ZFAND1: variants seen among roughly 807,000 people sequenced by gnomAD.
ZFAND1 encodes AN1-type zinc finger protein 1.
A neutral mutation model predicts 38.5 loss-of-function variants in ZFAND1; 40 were observed. That is an observed-to-expected ratio of 1.04 (90% confidence interval 0.81 to 1.35). The LOEUF is 1.35. Among genes scored for constraint, ZFAND1 ranks in the 40% most tolerant of loss-of-function variants. The pLI is 0.00. For missense variants in ZFAND1, 346 were observed against 316.3 expected, an observed-to-expected ratio of 1.09 and a Z score of -0.71; for synonymous variants, 117 against 103.6, an observed-to-expected ratio of 1.13 and a Z score of -0.78.
chr8:81,703,464 C>A (rs1158969970), intron 6 of ZFAND1, among the ~76,000 whole-genome samples: 1 of 152,232 alleles, frequency 6.6e-6, no homozygotes, highest in Admixed American at 6.5e-5. Context: ...GCTCTTGTTG[C>A]CAACGCTAGA....
intron 3 of ZFAND1, among the ~76,000 whole-genome samples, chr8:81,716,920 C>T (rs1808333010): frequency 6.6e-6 from 1 of 152,114 alleles, no homozygotes; most frequent in African/African-American, 2.4e-5. Context: ...GCACTCCAGC[C>T]TGGGCAACAA....
Position 81,717,178 on chromosome 8 carries a change from T to C in ZFAND1, c.138+71A>G, listed in dbSNP as rs531717858. 49 of 1,352,104 alleles carry C rather than the reference T, an allele frequency of 3.6e-5. No individual in the cohort carries two copies. In the African/African-American group the frequency reaches 7.2e-4, roughly 20 times the overall value. The allele number at this position is 1,352,104 out of a possible 1,614,324, so 83.8% of individuals were successfully genotyped here. On this transcript the variant is annotated intron_variant, in intron 3 of 7. Coordinates refer to ENST00000220669, the MANE Select transcript of ZFAND1 (RefSeq NM_024699.3). Reference sequence around the variant, plus strand: ...ATCTGTGATACTGACTGCCTTTAAATCTAATCAAATTCTGAATGAAAGTAC... The same window carrying C: ...ATCTGTGATACTGACTGCCTTTAAACCTAATCAAATTCTGAATGAAAGTAC...
chr8:81,710,754 G>A lies in ZFAND1; in HGVS notation c.480+3164C>T, dbSNP rs1482885537. 3.9e-5 allele frequency among the ~76,000 whole-genome samples: 6 copies of A among 152,138 alleles called. No homozygotes were observed. In the South Asian group the frequency reaches 1.0e-3, roughly 26 times the overall value. On this transcript the variant is annotated intron_variant, in intron 6 of 7. Coordinates refer to ENST00000220669, the MANE Select transcript of ZFAND1 (RefSeq NM_024699.3). ...ATTATAATTCAAAATAGGGTTAAAG[G>A]CAAAATTCATAAAGAACATATAACA... is the stretch of plus-strand genomic sequence containing the variant.
At chr8:81,721,303 G>T, upstream of ZFAND1, 1 of 1,546,878 alleles carries the variant, frequency 6.5e-7, no homozygotes. Flanking sequence ...CGTAAGGGGC[G>T]GGGCAAAGCC....
chr8:81,709,243 A>G (rs138268002), intron 6 of ZFAND1, among the ~76,000 whole-genome samples: 2 of 152,314 alleles, frequency 1.3e-5, no homozygotes, highest in Non-Finnish European at 2.9e-5. Flanking sequence ...GGCATTAATG[A>G]GAGAAGGATA....
chr8:81,710,504 G>A (rs1046248742), intron 6 of ZFAND1, among the ~76,000 whole-genome samples: 2 of 151,880 alleles, frequency 1.3e-5, no homozygotes, highest in African/African-American at 4.8e-5. Context: ...ATACATGATG[G>A]AAGAAATATG....
In ZFAND1 at chr8:81,721,176, G is replaced by T; in HGVS notation, c.55+51C>A. 1.9e-6 allele frequency: 3 copies of T among 1,541,996 alleles called. No individual in the cohort carries two copies. In the African/African-American group the frequency reaches 4.1e-5, roughly 21 times the overall value. On this transcript the variant is annotated intron_variant, in intron 1 of 7. Transcript: ENST00000220669. ...CGCCACCATCCGCGGAGCCAAAGCG[G>T]AGCCCTGGTCTCCCGCGGCCGGGGA...
chr8:81,717,041 A>G (rs1208337930), intron 3 of ZFAND1, among the ~76,000 whole-genome samples: 1 of 152,206 alleles, frequency 6.6e-6, no homozygotes, highest in East Asian at 1.9e-4. Flanking sequence ...AAAAATTATG[A>G]GGATAAAAAT....
In ZFAND1 at chr8:81,701,461, A is replaced by T. The variant is rs536092213; in HGVS notation, c.*1234T>A. On this transcript the variant is annotated 3_prime_UTR_variant, in exon 8 of 8. Transcript: ENST00000220669. ...TTTTATATGCCCTGGGAAACAAAAA[A>T]AAATTTGTCTGGCTCAATATACTCC... The T allele has an allele frequency of 3.3e-5, 5 of 152,250 alleles. No individual in the cohort carries two copies. Among genetic ancestry groups the T allele is most frequent in the Admixed American group, 2.6e-4 (4 of 15,280 alleles). The allele number at this position is 152,250 out of a possible 1,614,324, so 9.4% of individuals were successfully genotyped here.
At position 81,715,037 on chromosome 8, in the gene ZFAND1, T is replaced by C. The variant is rs750866164; in HGVS notation, c.216A>G (p.Arg72=). The C allele has an allele frequency of 5.0e-6, 8 of 1,614,142 alleles. No homozygotes were observed. The highest frequency in any genetic ancestry group is 6.8e-6 in the Non-Finnish European group (8 of 1,179,996). ...YPCSFKDCAE[R]ELVAVICPYC... is the part of the protein sequence containing the mutation. Reference sequence around the variant, plus strand: ...AAGGACATATAACTGCCACAAGTTCTCTCTCAGCACAGTCTTTGAAAGAGC... The same window carrying C: ...AAGGACATATAACTGCCACAAGTTCCCTCTCAGCACAGTCTTTGAAAGAGC... Residue 72 remains arginine, a synonymous_variant, in exon 4 of 8, where the codon AGA becomes AGG. Coordinates refer to ENST00000220669, the MANE Select transcript of ZFAND1 (RefSeq NM_024699.3).
intron 2 of ZFAND1, 29 bp from the exon 3 acceptor site, chr8:81,717,317 A>G: frequency 6.7e-7 from 1 of 1,494,932 alleles, no homozygotes; most frequent in Non-Finnish European, 8.9e-7. Flanking sequence ...GTGTTTATTT[A>G]AATAACATAC....
rs570133431 is a variant in ZFAND1 at position 81,704,472 on chromosome 8, G to A, written c.481-1348C>T. Among the ~76,000 whole-genome samples, 4 of 149,588 alleles carry A rather than the reference G, an allele frequency of 2.7e-5. No individual in the cohort carries two copies. In the South Asian group the frequency reaches 6.4e-4, roughly 24 times the overall value. The stretch of plus-strand genomic sequence containing the variant: ...AGGATCACTTGAGCCCAAGAAGGTC[G>A]AGGCTGCAATAAGTGGTGAACATAC... On this transcript the variant is annotated intron_variant, in intron 6 of 7. Coordinates refer to ENST00000220669, the MANE Select transcript of ZFAND1 (RefSeq NM_024699.3).
chr8:81,711,419 A>G (rs1040381609), intron 6 of ZFAND1, among the ~76,000 whole-genome samples: 6 of 152,176 alleles, frequency 3.9e-5, no homozygotes, highest in African/African-American at 1.4e-4. Flanking sequence ...CTCAAAACAA[A>G]ACAAAACGAA....
Position 81,714,786 on chromosome 8 carries a change from C to G in ZFAND1, c.358+18G>C. On this transcript the variant is annotated intron_variant, in intron 5 of 7. Transcript: ENST00000220669. ...CTGGAACTAGGAAAGCAACAAAACACGCTTTCTAGATACTTACCAATAATG... is the reference window on the plus strand; with the variant it reads ...CTGGAACTAGGAAAGCAACAAAACAGGCTTTCTAGATACTTACCAATAATG... 6 of 1,609,950 alleles carry G rather than the reference C, an allele frequency of 3.7e-6. No individual in the cohort carries two copies. The highest frequency in any genetic ancestry group is 5.1e-6 in the Non-Finnish European group (6 of 1,176,466).
chr8:81,719,346 CACACACACAA>C (rs1298087711), intron 1 of ZFAND1, among the ~76,000 whole-genome samples: 5 of 150,378 alleles, frequency 3.3e-5, no homozygotes, highest in Non-Finnish European at 5.9e-5. Flanking sequence ...CACACACACA[CACACACACAA>C]ATTAGCTGGG....
rs1283025811 is a variant in ZFAND1, at chr8:81,714,058, T to G, written c.359-19A>C. 1 of 1,573,128 alleles carries G rather than the reference T, an allele frequency of 6.4e-7. No individual in the cohort carries two copies. Among genetic ancestry groups the G allele is most frequent in the Admixed American group, 2.0e-5 (1 of 49,098 alleles). ...TTGGAATCTAAGAAGTGTAAGCATG[T>G]AATCACATAAAACTTTCACATTACA... On this transcript the variant is annotated intron_variant, in intron 5 of 7. Coordinates refer to ENST00000220669, the MANE Select transcript of ZFAND1 (RefSeq NM_024699.3).
rs1807819241 is a variant in ZFAND1 at position 81,701,773 on chromosome 8, T to A, written c.*922A>T. On this transcript the variant is annotated 3_prime_UTR_variant, in exon 8 of 8. Transcript: ENST00000220669. The stretch of plus-strand genomic sequence containing the variant: ...AGTAAACCTATAGCCACTACATATG[T>A]CCCTGACAATTAGAACAGAAAACAA... 1.3e-5 allele frequency: 2 copies of A among 152,224 alleles called. No homozygotes were observed. The highest frequency in any genetic ancestry group is 2.9e-5 in the Non-Finnish European group (2 of 68,046). The allele number at this position is 152,224 out of a possible 1,614,324, so 9.4% of individuals were successfully genotyped here. A position where few individuals can be genotyped will look rare whatever the true frequency, so the allele number is the denominator to read the frequency against.
intron 6 of ZFAND1, among the ~76,000 whole-genome samples, chr8:81,705,078 T>C (rs1359502106): frequency 6.6e-6 from 1 of 151,892 alleles, no homozygotes; most frequent in African/African-American, 2.4e-5. Flanking sequence ...TATAGGTAAG[T>C]GGGAAATAAC....
chr8:81,703,691 G>A (rs952944382), intron 6 of ZFAND1, among the ~76,000 whole-genome samples: 1 of 152,090 alleles, frequency 6.6e-6, no homozygotes, highest in Non-Finnish European at 1.5e-5. Flanking sequence ...TCAGAGTGCT[G>A]GGATTACAGG....
Sources: allele counts gnomAD v4.1 joint callset (sites outside exome capture counted in the v4.1 genomes callset), GRCh38; gene constraint gnomAD v4.1.1; transcripts MANE v1.5; gene names NCBI Gene and HGNC (gene_info 2026-07-23, HGNC 2026-07-21).